Variants in ARHGEF3 observed in about 807,000 individuals in gnomAD.
The protein encoded by ARHGEF3 is 59.8 kDA protein.
Under a neutral mutation model 63.2 loss-of-function variants are expected in ARHGEF3, and 28 were observed. That is an observed-to-expected ratio of 0.44 (90% CI 0.33 to 0.61). ARHGEF3 has a LOEUF of 0.61. Among genes scored for constraint, ARHGEF3 ranks in the 20% least tolerant of loss-of-function variants. The probability of loss-of-function intolerance (pLI) is 0.03; values close to 1 mark genes in which losing one functional copy is unlikely to be tolerated. For missense variants in ARHGEF3, 533 were observed against 659.3 expected (o/e 0.81, Z 2.10); for synonymous variants, 266 against 254.2 (o/e 1.05, Z -0.44).
intron 3 of ARHGEF3, among the ~76,000 whole-genome samples, chr3:56,953,004 C>G (rs1699880391): frequency 6.6e-6 from 1 of 152,184 alleles, no homozygotes; most frequent in South Asian, 2.1e-4. Flanking sequence ...TACACCTGTA[C>G]TTTAGGCAAA....
rs181591534 is a variant in ARHGEF3 at position 56,732,223 on chromosome 3, G to C, written c.1228+15C>G. On this transcript the variant is annotated intron_variant, in intron 9 of 9. Coordinates refer to ENST00000296315, the MANE Select transcript of ARHGEF3 (RefSeq NM_019555.3). ...CAAAAACATTCAACAGGTCAACCCCGACTGCTATCCATACTTCTCTCATTG... is the reference window on the plus strand; with the variant it reads ...CAAAAACATTCAACAGGTCAACCCCCACTGCTATCCATACTTCTCTCATTG... 451 of 1,613,294 alleles carry C rather than the reference G, an allele frequency of 2.8e-4. No individual in the cohort carries two copies. Among genetic ancestry groups the C allele is most frequent in the Admixed American group, 5.3e-4 (32 of 60,010 alleles).
intron 2 of ARHGEF3, among the ~76,000 whole-genome samples, chr3:56,762,501 T>G (rs909975818): frequency 6.6e-6 from 1 of 151,554 alleles, no homozygotes; most frequent in Non-Finnish European, 1.5e-5. Flanking sequence ...GGGACGGGGG[T>G]GGCATGTGCG....
intron 3 of ARHGEF3, among the ~76,000 whole-genome samples, chr3:56,943,529 T>A (rs111278158): frequency 0.012 from 1,841 of 152,316 alleles, 23 homozygotes; most frequent in South Asian, 0.023. Flanking sequence ...ACAAGGAGAT[T>A]AATGCTGTTT....
At chr3:56,973,252 C>A (rs1220012978) in intron 2 of ARHGEF3, among the ~76,000 whole-genome samples, 1 of 152,060 alleles carries the variant, frequency 6.6e-6, no homozygotes, top group Non-Finnish European at 1.5e-5. Context: ...CTCCTGACCT[C>A]GTGATCCGCG....
In ARHGEF3 at chr3:56,729,191, T is replaced by A; in HGVS notation, c.*79A>T. 7.5e-7 allele frequency: 1 copy of A among 1,328,016 alleles called. No individual in the cohort carries two copies. Among genetic ancestry groups the A allele is most frequent in the Non-Finnish European group, 1.0e-6 (1 of 970,550 alleles). 82.3% of individuals were successfully genotyped at this position (1,328,016 alleles called of 1,614,324 possible). A position where few individuals can be genotyped will look rare whatever the true frequency, so the allele number is the denominator to read the frequency against. On this transcript the variant is annotated 3_prime_UTR_variant, in exon 10 of 10. Transcript: ENST00000296315. ...TCACAAAAGTATGAAAAAGTGCTTC[T>A]CCAAACCGTTCCATCTGTGGAATGC...
chr3:56,981,366 T>C (rs1360747755), intron 2 of ARHGEF3, among the ~76,000 whole-genome samples: 1 of 152,168 alleles, frequency 6.6e-6, no homozygotes, highest in African/African-American at 2.4e-5. Context: ...TGAAGCTCAC[T>C]TTCCATTACC....
At position 57,042,677 on chromosome 3, in the gene ARHGEF3, TATATATATATATATATATATATA is replaced by T. The variant is rs1282533231; in HGVS notation, c.-27-7524_-27-7502del. ...ATATATATATATATATATATATATA[TATATATATATATATATATATATA>T]TTTTTTTTTTTTTTTAGACGGAGTC... On this transcript the variant is annotated intron_variant, in intron 1 of 12. Transcript: ENST00000338458. 2.1e-3 allele frequency among the ~76,000 whole-genome samples: 73 copies of T among 35,294 alleles called. 1 individual carries two copies. Among genetic ancestry groups the T allele is most frequent in the Middle Eastern group, 9.4e-3 (1 of 106 alleles). The allele number at this position is 35,294 out of a possible 152,430, so 23.2% of individuals were successfully genotyped here. A position where few individuals can be genotyped will look rare whatever the true frequency, so the allele number is the denominator to read the frequency against.
At chr3:57,052,680 C>T (rs184214390) in intron 1 of ARHGEF3, among the ~76,000 whole-genome samples, 2 of 152,140 alleles carry the variant, frequency 1.3e-5, no homozygotes, top group African/African-American at 4.8e-5. Context: ...CGGCAAGACA[C>T]AAAGACATAA....
intron 2 of ARHGEF3, among the ~76,000 whole-genome samples, chr3:56,992,837 T>C (rs1424689993): frequency 1.3e-5 from 2 of 152,158 alleles, no homozygotes; most frequent in Non-Finnish European, 1.5e-5. Context: ...TTTTATTTTA[T>C]TTTTTATTTT....
At chr3:56,861,543 GC>G (rs2108190661) in intron 4 of ARHGEF3, among the ~76,000 whole-genome samples, 1 of 152,234 alleles carries the variant, frequency 6.6e-6, no homozygotes, top group South Asian at 2.1e-4. Context: ...TAAAGCAGAG[GC>G]TTCAAAGTTC....
rs564002303 is a variant in ARHGEF3 at position 56,990,905 on chromosome 3, G to A, written c.63-32016C>T. 2.0e-4 allele frequency among the ~76,000 whole-genome samples: 31 copies of A among 152,248 alleles called. 1 individual carries two copies. In the South Asian group the frequency reaches 6.4e-3, roughly 32 times the overall value. On this transcript the variant is annotated intron_variant, in intron 2 of 12. Transcript: ENST00000338458. ...ATCCTGCCTAAGGGGTCAGGTGAGG[G>A]GTGAGCGTGAGATGAGCCGTGTACA... is the stretch of plus-strand genomic sequence containing the variant.
intron 3 of ARHGEF3, among the ~76,000 whole-genome samples, chr3:56,890,141 A>T (rs76999456): frequency 0.094 from 14,334 of 152,246 alleles, 842 homozygotes; most frequent in Non-Finnish European, 0.13. Context: ...CCCACAAGGC[A>T]TTTACCTACA....
At chr3:56,972,600 C>A (rs1442044748) in intron 2 of ARHGEF3, among the ~76,000 whole-genome samples, 1 of 151,924 alleles carries the variant, frequency 6.6e-6, no homozygotes, top group South Asian at 2.1e-4. Context: ...CTTCTCCCTG[C>A]AAGAGCCGGA....
At chr3:56,735,378 A>G (rs1275468572) in intron 8 of ARHGEF3, among the ~76,000 whole-genome samples, 2 of 152,074 alleles carry the variant, frequency 1.3e-5, no homozygotes, top group Non-Finnish European at 2.9e-5. Flanking sequence ...GCCTTCAACT[A>G]CTGTGCTTTT....
At chr3:56,921,345 T>C (rs1403976264) in intron 3 of ARHGEF3, among the ~76,000 whole-genome samples, 6 of 133,678 alleles carry the variant, frequency 4.5e-5, no homozygotes, top group African/African-American at 1.6e-4. Flanking sequence ...TCTCAGATCT[T>C]AGGTTTCTAA....
At chr3:56,995,632 AGAGAGAGAGAG>A (rs1701946222) in intron 2 of ARHGEF3, among the ~76,000 whole-genome samples, 1 of 62,978 alleles carries the variant, frequency 1.6e-5, no homozygotes, top group Admixed American at 1.8e-4. Flanking sequence ...AGAGAGAGAG[AGAGAGAGAGAG>A]AGAGAGAGAG....
intron 3 of ARHGEF3, among the ~76,000 whole-genome samples, chr3:56,935,067 G>C (rs1419766603): frequency 6.6e-6 from 1 of 152,054 alleles, no homozygotes; most frequent in Admixed American, 6.5e-5. Context: ...TGGAGCCTTG[G>C]AGAACCTTTA....
chr3:57,075,520 A>C (rs908340279), intron 1 of ARHGEF3: 1 of 154,266 alleles, frequency 6.5e-6, no homozygotes, highest in Non-Finnish European at 1.5e-5. Flanking sequence ...TAAGAAAAAA[A>C]AAAAAATGGG....
intron 4 of ARHGEF3, among the ~76,000 whole-genome samples, chr3:56,849,710 A>G (rs2039608123): frequency 6.6e-6 from 1 of 152,104 alleles, no homozygotes; most frequent in African/African-American, 2.4e-5. Context: ...AAGAAAACAC[A>G]GTTTTCTATT....
Sources: gnomAD v4.1 joint callset for allele counts (sites outside exome capture counted in the v4.1 genomes callset) on GRCh38, gnomAD v4.1.1 for gene constraint, MANE v1.5 for transcripts, NCBI Gene and HGNC (gene_info 2026-07-23, HGNC 2026-07-21) for gene names.